Variants in AVL9 observed in about 807,000 individuals in gnomAD.
The protein encoded by AVL9 is AVL9 cell migration associated.
AVL9 carries 49 observed loss-of-function variants against 79.2 expected under a neutral mutation model. The ratio of observed to expected loss-of-function variants is 0.62; its 90% confidence interval spans 0.49 to 0.79. The LOEUF is 0.79. Ranked by LOEUF, AVL9 falls within the 30% of genes least tolerant of loss-of-function variation. The pLI is 0.00. For missense variants in AVL9, 682 were observed against 776.8 expected, an observed-to-expected ratio of 0.88 and a Z score of 1.45; for synonymous variants, 299 against 280.6, an observed-to-expected ratio of 1.07 and a Z score of -0.65.
At chr7:32,569,014 A>G (rs1348231517) in intron 10 of AVL9, among the ~76,000 whole-genome samples, 1 of 152,222 alleles carries the variant, frequency 6.6e-6, no homozygotes, top group East Asian at 1.9e-4. Context: ...GTATTTAACA[A>G]CCACCTGTTA....
At chr7:32,580,974 A>G in intron 15 of AVL9, 84 bp downstream of exon 15, 1 of 1,063,592 alleles carries the variant, frequency 9.4e-7, no homozygotes. Context: ...TAAAACAAAC[A>G]TAAAGTTGTA....
At chr7:32,510,511 C>T (rs376098978) in intron 1 of AVL9, among the ~76,000 whole-genome samples, 1 of 142,208 alleles carries the variant, frequency 7.0e-6, no homozygotes. Context: ...TTGGGAGAAT[C>T]CACAGTCCTG....
chr7:32,496,417 G>A (rs1399127548), intron 1 of AVL9, among the ~76,000 whole-genome samples: 1 of 152,264 alleles, frequency 6.6e-6, no homozygotes, highest in East Asian at 1.9e-4. Flanking sequence ...CTTTTGGTGA[G>A]AGATTAATCT....
At chr7:32,575,829 G>C in intron 12 of AVL9, 126 bp from the exon 13 acceptor site, 2 of 651,092 alleles carry the variant, frequency 3.1e-6, no homozygotes, top group South Asian at 4.0e-5. Context: ...CATCTGGTAG[G>C]CTATCTCCCC....
At chr7:32,548,447 C>T (rs187689809) in intron 3 of AVL9, among the ~76,000 whole-genome samples, 2 of 152,254 alleles carry the variant, frequency 1.3e-5, no homozygotes, top group East Asian at 1.9e-4. Flanking sequence ...TGCTCTTGGC[C>T]TTTTGTCGTC....
In AVL9 at chr7:32,570,147, T is replaced by C. The variant is rs780032370; in HGVS notation, c.1343T>C (p.Ile448Thr). ...CAACAGAAACACCTCAGTGATGCCA[T>C]TGTGGAAGTACGTTTATGTGTGAGT... ...FRQQKHLSDAIVEVEEALIQI... is the reference protein window; with the variant it reads ...FRQQKHLSDATVEVEEALIQI... The change falls in exon 11 of 16, where the codon ATT (isoleucine) becomes ACT (threonine). Residue 448 changes from isoleucine (I) to threonine (T), a missense_variant. Coordinates refer to ENST00000318709, the MANE Select transcript of AVL9 (RefSeq NM_015060.3). The C allele has an allele frequency of 1.2e-6, 2 of 1,614,196 alleles. No individual in the cohort carries two copies. The highest frequency in any genetic ancestry group is 8.5e-7 in the Non-Finnish European group (1 of 1,180,016).
At chr7:32,505,635 A>C (rs929402376) in intron 1 of AVL9, among the ~76,000 whole-genome samples, 4 of 152,132 alleles carry the variant, frequency 2.6e-5, no homozygotes, top group Admixed American at 2.6e-4. Context: ...AATTAATATG[A>C]TTTTCTTTCT....
At chr7:32,497,930 C>T (rs888194667) in intron 1 of AVL9, among the ~76,000 whole-genome samples, 2 of 152,192 alleles carry the variant, frequency 1.3e-5, no homozygotes, top group Non-Finnish European at 2.9e-5. Flanking sequence ...GGATTACAGG[C>T]GTGAGCCACC....
At chr7:32,550,090 A>G (rs537546454) in intron 4 of AVL9, among the ~76,000 whole-genome samples, 2 of 152,312 alleles carry the variant, frequency 1.3e-5, no homozygotes, top group South Asian at 4.1e-4. Context: ...AGATGACAGA[A>G]GAGTAAGAGT....
At chr7:32,503,787 A>T (rs760408311) in intron 1 of AVL9, among the ~76,000 whole-genome samples, 1 of 151,810 alleles carries the variant, frequency 6.6e-6, no homozygotes, top group Non-Finnish European at 1.5e-5. Context: ...GGTACAAGCA[A>T]TTCTCCTGCC....
At chr7:32,543,492 T>G (rs926192264) in intron 2 of AVL9, among the ~76,000 whole-genome samples, 1 of 152,208 alleles carries the variant, frequency 6.6e-6, no homozygotes, top group Non-Finnish European at 1.5e-5. Context: ...TGCCAAGTGA[T>G]TAGCCAGAGC....
At chr7:32,518,621 G>A (rs1011276362) in intron 1 of AVL9, among the ~76,000 whole-genome samples, 1 of 152,034 alleles carries the variant, frequency 6.6e-6, no homozygotes, top group Non-Finnish European at 1.5e-5. Flanking sequence ...AAAGCTAAAA[G>A]AAAAATATGT....
intron 1 of AVL9, chr7:32,533,992 A>G (rs1367739157): frequency 1.3e-5 from 2 of 152,188 alleles, no homozygotes; most frequent in African/African-American, 4.8e-5. Context: ...TTGTTTTCTC[A>G]GTCTTTTTTT....
At chr7:32,522,012 G>C (rs544456895) in intron 1 of AVL9, among the ~76,000 whole-genome samples, 1 of 152,320 alleles carries the variant, frequency 6.6e-6, no homozygotes, top group East Asian at 1.9e-4. Context: ...AAAGAATTGA[G>C]GTTTGGGAAC....
At chr7:32,503,810 G>A (rs1787291645) in intron 1 of AVL9, among the ~76,000 whole-genome samples, 1 of 151,876 alleles carries the variant, frequency 6.6e-6, no homozygotes, top group Non-Finnish European at 1.5e-5. Flanking sequence ...AGCCTCCCGA[G>A]TAGCTGGGAT....
At chr7:32,578,072 A>G (rs1367081239) in intron 13 of AVL9, among the ~76,000 whole-genome samples, 1 of 152,204 alleles carries the variant, frequency 6.6e-6, no homozygotes, top group East Asian at 1.9e-4. Flanking sequence ...TTCAGGTTAC[A>G]GAAAGAATTG....
At chr7:32,557,853 C>CT (rs3079799) in intron 8 of AVL9, among the ~76,000 whole-genome samples, 92 of 73,268 alleles carry the variant, frequency 1.3e-3, no homozygotes, top group East Asian at 3.3e-3. Context: ...AGCTGTTACT[C>CT]TTTTTTTTTT....
intron 11 of AVL9, among the ~76,000 whole-genome samples, chr7:32,571,537 A>G (rs1462541859): frequency 6.6e-6 from 1 of 152,054 alleles, no homozygotes; most frequent in Non-Finnish European, 1.5e-5. Context: ...CAAAAAAAAA[A>G]GAAGAAAAAA....
chr7:32,582,859 A>AT (rs1000149691), intron 15 of AVL9, among the ~76,000 whole-genome samples: 2 of 151,860 alleles, frequency 1.3e-5, no homozygotes, highest in Non-Finnish European at 2.9e-5. Flanking sequence ...TAATTTTTCT[A>AT]TTTTTTGTAG....
Sources: allele counts gnomAD v4.1 joint callset (sites outside exome capture counted in the v4.1 genomes callset), GRCh38; gene constraint gnomAD v4.1.1; transcripts MANE v1.5; gene names NCBI Gene and HGNC (gene_info 2026-07-23, HGNC 2026-07-21).